Variants in ACTN1 observed in about 807,000 individuals in gnomAD.
The protein encoded by ACTN1 is actinin alpha 1.
Under a neutral mutation model 119.6 loss-of-function variants are expected in ACTN1, and 30 were observed. The observed-to-expected ratio is 0.25, with a 90% CI of 0.19 to 0.34. The LOEUF is 0.34. Among genes scored for constraint, ACTN1 ranks in the 10% least tolerant of loss-of-function variants. ACTN1 has a pLI of 1.00. For missense variants in ACTN1, 764 were observed against 1,223.4 expected, an observed-to-expected ratio of 0.62 and a Z score of 5.60; for synonymous variants, 429 against 472.6, an observed-to-expected ratio of 0.91 and a Z score of 1.20.
At chr14:68,972,023 G>A (rs1217571562) in intron 1 of ACTN1, among the ~76,000 whole-genome samples, 1 of 152,076 alleles carries the variant, frequency 6.6e-6, no homozygotes, top group Non-Finnish European at 1.5e-5. Flanking sequence ...AAGGAAAGCT[G>A]CCTCACTTGG....
Position 68,893,651 on chromosome 14 carries a change from C to A in ACTN1, c.855+4G>T, listed in dbSNP as rs764923731. 15 of 1,613,766 alleles carry A rather than the reference C, an allele frequency of 9.3e-6. No individual in the cohort carries two copies. The South Asian group carries it at 1.5e-4, about 17-fold the overall frequency. On this transcript the variant is annotated splice_donor_region_variant and intron_variant, in intron 9 of 21. Transcript: ENST00000394419. The stretch of plus-strand genomic sequence containing the variant: ...TCAGGCCAGGTGAACCCGGGGGTAC[C>A]CACATCACTGGCCAGCTTCTCGTAG...
At chr14:68,916,974 C>T (rs10147081) in intron 3 of ACTN1, among the ~76,000 whole-genome samples, 5,935 of 152,128 alleles carry the variant, frequency 0.039, 363 homozygotes, top group African/African-American at 0.14. Flanking sequence ...TGGTATGGCA[C>T]CCACCGCCCC....
chr14:68,880,139 G>A lies in ACTN1; in HGVS notation c.2134-31C>T, dbSNP rs757972307. 3 of 1,608,594 alleles carry A rather than the reference G, an allele frequency of 1.9e-6. No homozygotes were observed. Among genetic ancestry groups the A allele is most frequent in the Admixed American group, 3.3e-5 (2 of 59,764 alleles). The stretch of plus-strand genomic sequence containing the variant: ...GGACGGCAAGGGGCCTGTCAGCAAA[G>A]GGGTCCCAGGCCTGGGCTCCTGGCG... On this transcript the variant is annotated intron_variant, in intron 17 of 21. Transcript: ENST00000394419. This position sits in a 1 kb window ranked among gnomAD's most constrained non-coding sequence, Gnocchi z 4.6.
At chr14:68,913,393 A>G (rs372026486) in intron 3 of ACTN1, among the ~76,000 whole-genome samples, 1 of 152,088 alleles carries the variant, frequency 6.6e-6, no homozygotes. Flanking sequence ...TACCCAAAGA[A>G]TATCTTTTTT....
chr14:68,912,264 A>C, intron 3 of ACTN1, 22 bp from the exon 4 acceptor site: 2 of 1,607,878 alleles, frequency 1.2e-6, no homozygotes, highest in Non-Finnish European at 1.7e-6. Context: ...GCAGCAGCAC[A>C]CATCAGAAAG....
chr14:68,967,916 G>A (rs1331843204), intron 1 of ACTN1, among the ~76,000 whole-genome samples: 1 of 152,232 alleles, frequency 6.6e-6, no homozygotes, highest in Non-Finnish European at 1.5e-5. Flanking sequence ...TGGCACAAGA[G>A]GCTGCTGAGC....
chr14:68,911,004 C>T (rs986393221), intron 4 of ACTN1, among the ~76,000 whole-genome samples: 5 of 152,270 alleles, frequency 3.3e-5, no homozygotes, highest in Admixed American at 6.5e-5. Flanking sequence ...ATGTCCTTAC[C>T]AGCAGCGTGA....
In ACTN1 at chr14:68,979,192, G is replaced by C; in HGVS notation, c.-136C>G. On this transcript the variant is annotated 5_prime_UTR_variant, in exon 1 of 22. Coordinates refer to ENST00000394419, the MANE Select transcript of ACTN1 (RefSeq NM_001130004.2). ...GGCCGGGCTCGCTCCCCTGCGCCCG[G>C]TTCCGCCGCGGCGCTGCTGGCGAAG... The C allele has an allele frequency of 3.9e-6, 2 of 516,162 alleles. No individual in the cohort carries two copies. Among genetic ancestry groups the C allele is most frequent in the Non-Finnish European group, 6.5e-6 (2 of 305,928 alleles). The allele number at this position is 516,162 out of a possible 1,614,324, so 32.0% of individuals were successfully genotyped here. A position where few individuals can be genotyped will look rare whatever the true frequency, so the allele number is the denominator to read the frequency against.
At chr14:68,901,598 T>A (rs1449681623) in intron 8 of ACTN1, among the ~76,000 whole-genome samples, 5 of 152,282 alleles carry the variant, frequency 3.3e-5, no homozygotes, top group East Asian at 1.9e-4. Context: ...GGGCAGGAGA[T>A]CTGCATGAGA....
Position 68,875,171 on chromosome 14 carries a change from T to C in ACTN1, c.2587-154A>G, listed in dbSNP as rs553627673. ...ACTACAGGATGTACGGACGTAAATA[T>C]CCACACATGTACATACCGCATACAC... is the stretch of plus-strand genomic sequence containing the variant. On this transcript the variant is annotated intron_variant, in intron 21 of 21. Transcript: ENST00000394419. 3.9e-6 allele frequency: 6 copies of C among 1,522,796 alleles called. No individual in the cohort carries two copies. The Admixed American group carries it at 1.2e-4, about 30-fold the overall frequency. The allele number at this position is 1,522,796 out of a possible 1,614,324, so 94.3% of individuals were successfully genotyped here. A position where few individuals can be genotyped will look rare whatever the true frequency, so the allele number is the denominator to read the frequency against.
rs1346802465 is a variant in ACTN1, at chr14:68,909,081, T to A, written c.594+237A>T. ...AGCTGCTGTCACAGCTGTGATATTT[T>A]CCTGATGGGCTGTGTATGTGTGCAA... On this transcript the variant is annotated intron_variant, in intron 6 of 21. Coordinates refer to ENST00000394419, the MANE Select transcript of ACTN1 (RefSeq NM_001130004.2). The surrounding 1 kb of genome is among the most constrained non-coding windows in gnomAD (Gnocchi z 4.1). Among the ~76,000 whole-genome samples, 1 of 152,226 alleles carries A rather than the reference T, an allele frequency of 6.6e-6. No homozygotes were observed. The highest frequency in any genetic ancestry group is 6.5e-5 in the Admixed American group (1 of 15,284).
chr14:68,875,005 TG>T lies in ACTN1; in HGVS notation c.2598del (p.Met867TrpfsTer100). On this transcript the variant is annotated frameshift_variant, in exon 22 of 22. Coordinates refer to ENST00000394419, the MANE Select transcript of ACTN1 (RefSeq NM_001130004.2). LOFTEE classifies it high-confidence loss of function. ...KILAGDKNYI[T>X]MDELRRELPP... ...GGCAGCTCGCGGCGCAGCTCGTCCATGGTAATGTAGTTCTGCGAGGAGAGAG... is the reference window on the plus strand; with the variant it reads ...GGCAGCTCGCGGCGCAGCTCGTCCATGTAATGTAGTTCTGCGAGGAGAGAG... 2 of 1,613,398 alleles carry T rather than the reference TG, an allele frequency of 1.2e-6. No homozygotes were observed. Among genetic ancestry groups the T allele is most frequent in the Non-Finnish European group, 1.7e-6 (2 of 1,179,990 alleles).
intron 1 of ACTN1, among the ~76,000 whole-genome samples, chr14:68,926,894 GA>G (rs1203801230): frequency 6.6e-6 from 1 of 152,186 alleles, no homozygotes; most frequent in Non-Finnish European, 1.5e-5. Context: ...AAAAGTTGAA[GA>G]GCCTATGAAC....
rs138931345 is a variant in ACTN1, at chr14:68,942,340, C to A, written c.106-16668G>T. On this transcript the variant is annotated intron_variant, in intron 1 of 21. Transcript: ENST00000394419. ...AGGCTGCAGTGAGCCATAATCATAC[C>A]ACTGCATTCCAACCTGGGAGACAGT... 8.1e-3 allele frequency among the ~76,000 whole-genome samples: 1,231 copies of A among 151,784 alleles called. 27 individuals carry two copies. Among genetic ancestry groups the A allele is most frequent in the African/African-American group, 0.029 (1,187 of 41,298 alleles).
rs114607885 is a variant in ACTN1, at chr14:68,902,130, G to A, written c.762+347C>T. ...TATCGAGCCAGTGGCTTCAACAGAC[G>A]TGGGCATGGAAGGGCTGCTCCTGTT... On this transcript the variant is annotated intron_variant, in intron 8 of 21. Coordinates refer to ENST00000394419, the MANE Select transcript of ACTN1 (RefSeq NM_001130004.2). 7.7e-3 allele frequency among the ~76,000 whole-genome samples: 1,169 copies of A among 152,344 alleles called. 16 individuals carry two copies. Among genetic ancestry groups the A allele is most frequent in the African/African-American group, 0.026 (1,066 of 41,578 alleles).
intron 1 of ACTN1, among the ~76,000 whole-genome samples, chr14:68,955,750 A>G (rs2036333058): frequency 6.6e-6 from 1 of 152,242 alleles, no homozygotes; most frequent in Non-Finnish European, 1.5e-5. Flanking sequence ...CTCCACTGCT[A>G]GCACTGCAGT....
At chr14:68,889,895 C>T (rs961798314) in intron 11 of ACTN1, among the ~76,000 whole-genome samples, 18 of 152,240 alleles carry the variant, frequency 1.2e-4, no homozygotes, top group Admixed American at 1.0e-3. Flanking sequence ...CTCCTCAGAA[C>T]TTCGTTATGT....
intron 8 of ACTN1, among the ~76,000 whole-genome samples, chr14:68,898,524 C>A (rs1042992609): frequency 6.6e-6 from 1 of 152,126 alleles, no homozygotes; most frequent in African/African-American, 2.4e-5. Flanking sequence ...GCACTGGGCA[C>A]GGGTTTTGGA....
chr14:68,882,124 C>T lies in ACTN1; in HGVS notation c.1953+334G>A, dbSNP rs376219111. On this transcript the variant is annotated intron_variant, in intron 16 of 21. Transcript: ENST00000394419. This position sits in a 1 kb window ranked among gnomAD's most constrained non-coding sequence, Gnocchi z 4.5. Reference sequence around the variant, plus strand: ...CTGATTTTTGTATTTTTAGTAGAGACGGGGTTTCACCATGTTGGCCAGGCT... The same window carrying T: ...CTGATTTTTGTATTTTTAGTAGAGATGGGGTTTCACCATGTTGGCCAGGCT... 4.0e-5 allele frequency among the ~76,000 whole-genome samples: 6 copies of T among 151,750 alleles called. No individual in the cohort carries two copies. Among genetic ancestry groups the T allele is most frequent in the African/African-American group, 7.3e-5 (3 of 41,252 alleles).
Sources: allele counts gnomAD v4.1 joint callset (sites outside exome capture counted in the v4.1 genomes callset), GRCh38; gene constraint gnomAD v4.1.1; non-coding constraint Gnocchi (gnomAD v3.1); transcripts MANE v1.5; gene names NCBI Gene and HGNC (gene_info 2026-07-23, HGNC 2026-07-21).